Variants in CDKAL1 observed in about 807,000 individuals in gnomAD.
CDKAL1 encodes CDKAL1 threonylcarbamoyladenosine tRNA methylthiotransferase.
In CDKAL1, 32 loss-of-function variants were observed where a neutral mutation model predicts 68.2. The observed-to-expected ratio is 0.47, with a 90% CI of 0.35 to 0.63. The LOEUF is 0.63. Among genes scored for constraint, CDKAL1 ranks in the 30% least tolerant of loss-of-function variants. The pLI is 0.00. For missense variants in CDKAL1, 606 were observed against 696.7 expected (o/e 0.87, Z 1.47); for synonymous variants, 234 against 244.3 (o/e 0.96, Z 0.39).
chr6:21,205,985 C>T (rs1419671658), intron 15 of CDKAL1, among the ~76,000 whole-genome samples: 4 of 150,762 alleles, frequency 2.7e-5, no homozygotes, highest in Admixed American at 2.6e-4. Context: ...CAGGCACCCG[C>T]CACCGCGCCC....
intron 9 of CDKAL1, among the ~76,000 whole-genome samples, chr6:20,872,244 A>G (rs1255684109): frequency 1.3e-5 from 2 of 152,206 alleles, no homozygotes; most frequent in Non-Finnish European, 2.9e-5. Context: ...TATTACTCTG[A>G]ATAAGCCTAC....
chr6:21,196,535 G>T (rs1274090442), intron 13 of CDKAL1, among the ~76,000 whole-genome samples: 1 of 152,112 alleles, frequency 6.6e-6, no homozygotes, highest in African/African-American at 2.4e-5. Flanking sequence ...GGCTAAGAGG[G>T]CTATATTTTG....
intron 11 of CDKAL1, among the ~76,000 whole-genome samples, chr6:21,027,123 G>A (rs886891862): frequency 2.0e-5 from 3 of 151,826 alleles, no homozygotes; most frequent in South Asian, 2.1e-4. Context: ...AGCCACCCCC[G>A]CCCTACCTCC....
rs180923963 is a variant in CDKAL1, at chr6:20,554,373, T to C, written c.286+5668T>C. 6.3e-4 allele frequency among the ~76,000 whole-genome samples: 96 copies of C among 152,356 alleles called. 3 individuals carry two copies. The East Asian group carries it at 0.017, about 27-fold the overall frequency. ...ATAGATTAAACTTTTTTTCCAGTCATCCTTTGTTTATTGTTTTTGGATTAT... is the reference window on the plus strand; with the variant it reads ...ATAGATTAAACTTTTTTTCCAGTCACCCTTTGTTTATTGTTTTTGGATTAT... On this transcript the variant is annotated intron_variant, in intron 4 of 15. Transcript: ENST00000274695.
At chr6:20,633,675 C>T (rs1183235326) in intron 4 of CDKAL1, among the ~76,000 whole-genome samples, 6 of 152,174 alleles carry the variant, frequency 3.9e-5, no homozygotes, top group Admixed American at 1.3e-4. Context: ...TTCCAGTTCA[C>T]GTCCTTGCCA....
At chr6:20,846,294 A>T (rs1778372547) in intron 9 of CDKAL1, 116 bp downstream of exon 9, 2 of 620,714 alleles carry the variant, frequency 3.2e-6, no homozygotes, top group Non-Finnish European at 5.6e-6. Context: ...AGTTTTACAA[A>T]TATACGAACT....
intron 5 of CDKAL1, among the ~76,000 whole-genome samples, chr6:20,673,763 C>A (rs1769959992): frequency 6.6e-6 from 1 of 152,178 alleles, no homozygotes; most frequent in Admixed American, 6.5e-5. Context: ...TTCCTGCCGT[C>A]ATCCATTTAA....
At chr6:20,694,816 C>T (rs970207064) in intron 5 of CDKAL1, among the ~76,000 whole-genome samples, 1 of 152,128 alleles carries the variant, frequency 6.6e-6, no homozygotes, top group African/African-American at 2.4e-5. Context: ...GTGTTTGGGT[C>T]ATGGTCAGTA....
At chr6:21,148,242 G>T (rs1180732227) in intron 13 of CDKAL1, among the ~76,000 whole-genome samples, 3 of 152,182 alleles carry the variant, frequency 2.0e-5, no homozygotes, top group Admixed American at 2.0e-4. Flanking sequence ...GTTTATGAAT[G>T]AACCAAAAGG....
intron 4 of CDKAL1, among the ~76,000 whole-genome samples, chr6:20,641,957 A>C (rs1768197718): frequency 6.6e-6 from 1 of 152,232 alleles, no homozygotes; most frequent in Admixed American, 6.5e-5. Context: ...GAGTTTCATC[A>C]GCGTAGCCTG....
At chr6:20,765,728 T>TA (rs1310356319) in intron 7 of CDKAL1, among the ~76,000 whole-genome samples, 1 of 152,198 alleles carries the variant, frequency 6.6e-6, no homozygotes, top group Non-Finnish European at 1.5e-5. Flanking sequence ...TTTTAGTTGA[T>TA]TTTTTTACAT....
intron 5 of CDKAL1, among the ~76,000 whole-genome samples, chr6:20,686,084 GT>G (rs34987372): frequency 0.66 from 95,226 of 143,318 alleles, 31,306 homozygotes; most frequent in East Asian, 0.81. Flanking sequence ...TTGTTTTAAG[GT>G]TTTTTTTTTT....
intron 9 of CDKAL1, among the ~76,000 whole-genome samples, chr6:20,877,041 G>C (rs570458923): frequency 1.3e-5 from 2 of 152,184 alleles, no homozygotes; most frequent in Non-Finnish European, 2.9e-5. Flanking sequence ...GTCTGGTGAT[G>C]ATGGTTCCAA....
intron 10 of CDKAL1, among the ~76,000 whole-genome samples, chr6:20,985,567 T>C (rs1766407627): frequency 2.0e-5 from 3 of 152,228 alleles, no homozygotes; most frequent in Non-Finnish European, 4.4e-5. Context: ...AATGCTGTGA[T>C]TATAGGCGTG....
chr6:20,666,159 G>A (rs1769531965), intron 5 of CDKAL1, among the ~76,000 whole-genome samples: 1 of 151,814 alleles, frequency 6.6e-6, no homozygotes, highest in Non-Finnish European at 1.5e-5. Flanking sequence ...ATATCCAAAG[G>A]GCATAAACAG....
chr6:20,850,960 A>G (rs1255771849), intron 9 of CDKAL1, among the ~76,000 whole-genome samples: 4 of 152,160 alleles, frequency 2.6e-5, no homozygotes, highest in South Asian at 2.1e-4. Flanking sequence ...AAATATTTCT[A>G]TGTTTAAATA....
chr6:20,795,866 C>T (rs574354923), intron 8 of CDKAL1, among the ~76,000 whole-genome samples: 9 of 152,148 alleles, frequency 5.9e-5, no homozygotes, highest in South Asian at 2.1e-4. Flanking sequence ...TCTGTGATGA[C>T]ACAAATTCCA....
At chr6:20,797,781 T>G (rs144012053) in intron 8 of CDKAL1, among the ~76,000 whole-genome samples, 23 of 141,586 alleles carry the variant, frequency 1.6e-4, no homozygotes, top group African/African-American at 5.7e-4. Flanking sequence ...TTTATTTTAT[T>G]TTATTTTATT....
At chr6:20,671,589 A>G (rs1270186739) in intron 5 of CDKAL1, among the ~76,000 whole-genome samples, 2 of 152,220 alleles carry the variant, frequency 1.3e-5, no homozygotes, top group Non-Finnish European at 2.9e-5. Flanking sequence ...ACATAGTGAC[A>G]TTTATATCTC....
Sources: gnomAD v4.1 joint callset for allele counts (sites outside exome capture counted in the v4.1 genomes callset) on GRCh38, gnomAD v4.1.1 for gene constraint, MANE v1.5 for transcripts, NCBI Gene and HGNC (gene_info 2026-07-23, HGNC 2026-07-21) for gene names.